RCC1: variants seen among roughly 807,000 people sequenced by gnomAD.
The protein encoded by RCC1 is regulator of chromosome condensation 1.
RCC1 carries 11 observed loss-of-function variants against 44.4 expected under a neutral mutation model. That is an observed-to-expected ratio of 0.25 (90% CI 0.16 to 0.41). The LOEUF is 0.41. Ranked by LOEUF, RCC1 falls within the 10% of genes least tolerant of loss-of-function variation. The pLI is 1.00. For missense variants in RCC1, 386 were observed against 547.1 expected (o/e 0.71, Z 2.94); for synonymous variants, 213 against 216.5 (o/e 0.98, Z 0.14).
intron 4 of RCC1, among the ~76,000 whole-genome samples, chr1:28,517,973 G>C (rs1231358975): frequency 6.6e-6 from 1 of 152,118 alleles, no homozygotes; most frequent in Admixed American, 6.5e-5. Context: ...TCTCCGTACA[G>C]ACCCTACCGC....
chr1:28,511,935 A>G (rs1662572226), intron 3 of RCC1, among the ~76,000 whole-genome samples: 1 of 145,422 alleles, frequency 6.9e-6, no homozygotes, highest in South Asian at 2.2e-4. Context: ...AAGTGTTGGG[A>G]TTACAGGCGT....
rs1272232398 is a variant in RCC1, at chr1:28,536,860, G to A, written c.1051G>A (p.Ala351Thr). 6 of 1,614,150 alleles carry A rather than the reference G, an allele frequency of 3.7e-6. No individual in the cohort carries two copies. The highest frequency in any genetic ancestry group is 2.2e-5 in the South Asian group (2 of 91,080). ...CAGGCTGCCTGCTGTCTCCTCGGTG[G>A]CTTGTGGGGCCTCTGTGGGGTATGC... ...ISRLPAVSSV[A>T]CGASVGYAVT... The change falls in exon 12 of 13, where the codon GCT becomes ACT. Residue 351 changes from alanine (A) to threonine (T), a missense_variant. Ala to Thr is a moderately conservative substitution (Grantham distance 58). Transcript: ENST00000683442. The surrounding 1 kb of genome is among the most constrained non-coding windows in gnomAD (Gnocchi z 4.9).
At chr1:28,526,446 TG>T in intron 4 of RCC1, 1 of 506,048 alleles carries the variant, frequency 2.0e-6, no homozygotes, top group Non-Finnish European at 3.8e-6. Flanking sequence ...GATGTTTATG[TG>T]GCCCAAAGCA....
At chr1:28,513,168 C>A (rs1163636222) in intron 3 of RCC1, among the ~76,000 whole-genome samples, 3 of 151,818 alleles carry the variant, frequency 2.0e-5, no homozygotes, top group African/African-American at 7.3e-5. Flanking sequence ...TCCGGAGTAG[C>A]TGGAATTACA....
chr1:28,534,066 C>T (rs527396382), intron 7 of RCC1, among the ~76,000 whole-genome samples: 52 of 150,944 alleles, frequency 3.4e-4, no homozygotes, highest in African/African-American at 9.0e-4. Context: ...TTAGTAGAGA[C>T]GGGGTTTCAC....
At chr1:28,532,880 A>T in intron 7 of RCC1, 1 of 331,196 alleles carries the variant, frequency 3.0e-6, no homozygotes, top group South Asian at 2.2e-5. Flanking sequence ...CAATAGCGCA[A>T]TCTTGGCTCA....
intron 3 of RCC1, among the ~76,000 whole-genome samples, chr1:28,511,095 GTTC>G (rs1662503749): frequency 2.6e-5 from 4 of 152,172 alleles, no homozygotes; most frequent in Admixed American, 2.6e-4. Context: ...TTCTGGCCTT[GTTC>G]TTTGTGTAGG....
intron 3 of RCC1, among the ~76,000 whole-genome samples, chr1:28,513,645 T>G (rs1265534968): frequency 1.3e-5 from 2 of 152,048 alleles, no homozygotes; most frequent in Non-Finnish European, 2.9e-5. Context: ...GTGGCAAGAT[T>G]ATGACTCACT....
rs926781399 is a variant in RCC1, at chr1:28,521,349, A to C, written c.-10+4482A>C. On this transcript the variant is annotated intron_variant, in intron 4 of 12. Coordinates refer to ENST00000683442, the MANE Select transcript of RCC1 (RefSeq NM_001381865.2). Reference sequence around the variant, plus strand: ...ACCCCGTCTCTACTAAAAATACAAAAAATTAGCTGGGTGTGGTGGCAGGCG... The same window carrying C: ...ACCCCGTCTCTACTAAAAATACAAACAATTAGCTGGGTGTGGTGGCAGGCG... Among the ~76,000 whole-genome samples, 15 of 150,044 alleles carry C rather than the reference A, an allele frequency of 1.0e-4. No homozygotes were observed. In the East Asian group the frequency reaches 2.8e-3, roughly 28 times the overall value.
intron 3 of RCC1, chr1:28,509,463 ACTC>A (rs931938168): frequency 1.3e-5 from 2 of 152,994 alleles, no homozygotes; most frequent in Admixed American, 6.4e-5. Flanking sequence ...GCTGTTCTCA[ACTC>A]CTGACCTCGT....
intron 3 of RCC1, among the ~76,000 whole-genome samples, chr1:28,514,481 G>A (rs1662764368): frequency 6.7e-6 from 1 of 149,178 alleles, no homozygotes; most frequent in African/African-American, 2.5e-5. Context: ...CCTTCTGGCG[G>A]CCTGGTGTGG....
chr1:28,509,747 A>G (rs565829049), intron 3 of RCC1: 1 of 152,316 alleles, frequency 6.6e-6, no homozygotes, highest in East Asian at 1.9e-4. Context: ...CCTGAAACCT[A>G]GTCTCAGGTG....
chr1:28,536,607 A>T lies in RCC1; in HGVS notation c.938-140A>T. 1.7e-6 allele frequency: 2 copies of T among 1,175,790 alleles called. No individual in the cohort carries two copies. The highest frequency in any genetic ancestry group is 2.4e-6 in the Non-Finnish European group (2 of 828,652). The allele number at this position is 1,175,790 out of a possible 1,614,324, so 72.8% of individuals were successfully genotyped here. A position where few individuals can be genotyped will look rare whatever the true frequency, so the allele number is the denominator to read the frequency against. On this transcript the variant is annotated intron_variant, in intron 11 of 12. Coordinates refer to ENST00000683442, the MANE Select transcript of RCC1 (RefSeq NM_001381865.2). This position sits in a 1 kb window ranked among gnomAD's most constrained non-coding sequence, Gnocchi z 4.9. ...CTCCTAGGCCTCCTCCAAAACTGGG[A>T]AGAGACACTGCAGATCTCCTTCTGA...
chr1:28,518,907 C>A (rs1301783408), intron 4 of RCC1: 1 of 152,222 alleles, frequency 6.6e-6, no homozygotes, highest in African/African-American at 2.4e-5. Flanking sequence ...GAAGAGCAGG[C>A]CCGTGTCATT....
Position 28,506,060 on chromosome 1 carries a change from T to G in RCC1, c.-286T>G. On this transcript the variant is annotated 5_prime_UTR_variant, in exon 1 of 13. The change creates a new upstream start codon in the 5' untranslated region. Coordinates refer to ENST00000683442, the MANE Select transcript of RCC1 (RefSeq NM_001381865.2). Reference sequence around the variant, plus strand: ...TTCTCTCTCCTTTTTGGAGACAGATTCGCAGTGGTCGCTTCTTCTCCTTGG... The same window carrying G: ...TTCTCTCTCCTTTTTGGAGACAGATGCGCAGTGGTCGCTTCTTCTCCTTGG... The G allele has an allele frequency of 2.2e-6, 1 of 456,108 alleles. No homozygotes were observed. The highest frequency in any genetic ancestry group is 4.4e-6 in the Non-Finnish European group (1 of 226,800). 28.3% of individuals were successfully genotyped at this position (456,108 alleles called of 1,614,324 possible).
intron 5 of RCC1, 141 bp from the exon 6 acceptor site, chr1:28,531,662 A>G: frequency 1.2e-5 from 7 of 568,904 alleles, no homozygotes; most frequent in Non-Finnish European, 1.9e-5. Context: ...CATTTCACAG[A>G]TGACAAAACT....
At chr1:28,515,348 G>T (rs1037459975) in intron 3 of RCC1, among the ~76,000 whole-genome samples, 2 of 151,524 alleles carry the variant, frequency 1.3e-5, no homozygotes, top group Non-Finnish European at 1.5e-5. Context: ...TACTCGGGAG[G>T]CTGAGGCAGA....
Position 28,519,204 on chromosome 1 carries a change from A to G in RCC1, c.-10+2337A>G, listed in dbSNP as rs148970784. On this transcript the variant is annotated intron_variant, in intron 4 of 12. Transcript: ENST00000683442. ...TACAGGCAGAGGGATTGCACGTGCA[A>G]CGGCATGAAGGTATAGGTATTGTGG... is the stretch of plus-strand genomic sequence containing the variant. 1.2e-3 allele frequency among the ~76,000 whole-genome samples: 183 copies of G among 152,266 alleles called. 1 individual carries two copies. Among genetic ancestry groups the G allele is most frequent in the Non-Finnish European group, 2.3e-3 (159 of 68,024 alleles).
At position 28,508,874 on chromosome 1, in the gene RCC1, T is replaced by C; in HGVS notation, c.-184T>C. 1.9e-6 allele frequency: 1 copy of C among 517,510 alleles called. No individual in the cohort carries two copies. Among genetic ancestry groups the C allele is most frequent in the Non-Finnish European group, 3.9e-6 (1 of 259,500 alleles). 32.1% of individuals were successfully genotyped at this position (517,510 alleles called of 1,614,324 possible). A position where few individuals can be genotyped will look rare whatever the true frequency, so the allele number is the denominator to read the frequency against. ...TTCGCATTTTGGCATTGACATTTAA[T>C]TTTAGGGTCCTTTATATAGAAGGGA... is the stretch of plus-strand genomic sequence containing the variant. On this transcript the variant is annotated 5_prime_UTR_variant, in exon 3 of 13. Coordinates refer to ENST00000683442, the MANE Select transcript of RCC1 (RefSeq NM_001381865.2).
Sources: allele counts gnomAD v4.1 joint callset (sites outside exome capture counted in the v4.1 genomes callset), GRCh38; gene constraint gnomAD v4.1.1; non-coding constraint Gnocchi (gnomAD v3.1); transcripts MANE v1.5; gene names NCBI Gene and HGNC (gene_info 2026-07-23, HGNC 2026-07-21).